Variants in AGBL4 observed in about 807,000 individuals in gnomAD.
The protein encoded by AGBL4 is cytosolic carboxypeptidase 6.
Under a neutral mutation model 66.4 loss-of-function variants are expected in AGBL4, and 58 were observed. The ratio of observed to expected loss-of-function variants is 0.87; its 90% CI spans 0.71 to 1.09. The LOEUF (loss-of-function observed/expected upper bound fraction) is 1.09, where lower values mean the gene tolerates loss of function less well. Among genes scored for constraint, AGBL4 ranks in the 50% least tolerant of loss-of-function variants. The pLI, the probability that AGBL4 is intolerant of heterozygous loss-of-function variation, is 0.00. For missense variants in AGBL4, 579 were observed against 631.0 expected (o/e 0.92, Z 0.88); for synonymous variants, 234 against 222.9 (o/e 1.05, Z -0.44).
At chr1:49,714,787 T>C (rs1248715394) in intron 2 of AGBL4, among the ~76,000 whole-genome samples, 1 of 151,818 alleles carries the variant, frequency 6.6e-6, no homozygotes, top group Admixed American at 6.6e-5. Flanking sequence ...TTTGGGTAGA[T>C]ACTCAGGAAT....
At chr1:49,207,607 T>TTTTA (rs1648337423) in intron 4 of AGBL4, among the ~76,000 whole-genome samples, 2 of 150,496 alleles carry the variant, frequency 1.3e-5, no homozygotes, top group African/African-American at 4.9e-5. Flanking sequence ...TCTTTCTTCT[T>TTTTA]TTTATTTTCA....
At chr1:49,790,218 G>T (rs1644560637) in intron 2 of AGBL4, among the ~76,000 whole-genome samples, 1 of 152,024 alleles carries the variant, frequency 6.6e-6, no homozygotes, top group Non-Finnish European at 1.5e-5. Flanking sequence ...ACAAAAATTA[G>T]CCAGGAGTGA....
At chr1:49,389,899 T>C (rs1294324735) in intron 3 of AGBL4, among the ~76,000 whole-genome samples, 1 of 152,182 alleles carries the variant, frequency 6.6e-6, no homozygotes, top group African/African-American at 2.4e-5. Context: ...TATAATCCAA[T>C]TGAGGATTCT....
At chr1:48,574,904 G>A (rs189466610) in intron 11 of AGBL4, among the ~76,000 whole-genome samples, 162 of 152,236 alleles carry the variant, frequency 1.1e-3, no homozygotes, top group Non-Finnish European at 2.0e-3. Flanking sequence ...TAGTTTTAGC[G>A]TCTTTCTGAA....
At chr1:49,918,514 C>A (rs1651829041) in intron 1 of AGBL4, among the ~76,000 whole-genome samples, 1 of 151,900 alleles carries the variant, frequency 6.6e-6, no homozygotes, top group South Asian at 2.1e-4. Flanking sequence ...TCGACACATA[C>A]ACCCTCCCAA....
At chr1:48,833,951 T>C (rs1453817690) in intron 6 of AGBL4, among the ~76,000 whole-genome samples, 1 of 152,180 alleles carries the variant, frequency 6.6e-6, no homozygotes, top group Non-Finnish European at 1.5e-5. Context: ...GGGTTCCCAC[T>C]CTGGTGTTGA....
At chr1:49,563,178 G>A (rs1204215077) in intron 3 of AGBL4, among the ~76,000 whole-genome samples, 1 of 149,260 alleles carries the variant, frequency 6.7e-6, no homozygotes, top group Non-Finnish European at 1.5e-5. Context: ...AGACTTTGCT[G>A]AAGTTGCTTA....
chr1:49,012,581 G>A lies in AGBL4; in HGVS notation c.594+33003C>T, dbSNP rs141319872. 3.5e-3 allele frequency among the ~76,000 whole-genome samples: 530 copies of A among 152,232 alleles called. 4 individuals carry two copies. The highest frequency in any genetic ancestry group is 5.8e-3 in the Non-Finnish European group (393 of 68,016). On this transcript the variant is annotated intron_variant, in intron 5 of 13. Coordinates refer to ENST00000371839, the MANE Select transcript of AGBL4 (RefSeq NM_032785.4). Reference sequence around the variant, plus strand: ...AAAATAGGCCTATTCCCAGAGAAGAGTCCTCAAAACTGTTGTGGTTTTTGG... The same window carrying A: ...AAAATAGGCCTATTCCCAGAGAAGAATCCTCAAAACTGTTGTGGTTTTTGG...
chr1:48,835,733 C>T (rs1646656640), intron 6 of AGBL4, among the ~76,000 whole-genome samples: 3 of 152,164 alleles, frequency 2.0e-5, no homozygotes, highest in Non-Finnish European at 4.4e-5. Context: ...AATGCAACTT[C>T]AAGACCCTAG....
intron 3 of AGBL4, among the ~76,000 whole-genome samples, chr1:49,601,408 C>T (rs1372313948): frequency 1.3e-5 from 2 of 151,680 alleles, no homozygotes; most frequent in African/African-American, 4.8e-5. Context: ...TCCTTTCTTC[C>T]ACTTGATAGA....
chr1:49,286,041 T>C lies in AGBL4; in HGVS notation c.283-40177A>G, dbSNP rs188074942. On this transcript the variant is annotated intron_variant, in intron 3 of 13. Coordinates refer to ENST00000371839, the MANE Select transcript of AGBL4 (RefSeq NM_032785.4). ...GATCAAGTGGGCTTCATCCCTGCGATGCAAGGCTGGTTCAATATACACAAA... is the reference window on the plus strand; with the variant it reads ...GATCAAGTGGGCTTCATCCCTGCGACGCAAGGCTGGTTCAATATACACAAA... Among the ~76,000 whole-genome samples the C allele has an allele frequency of 4.3e-4, 66 of 152,346 alleles. No individual in the cohort carries two copies. In the East Asian group the frequency reaches 0.012, roughly 27 times the overall value.
At chr1:49,194,510 C>T (rs932626885) in intron 4 of AGBL4, among the ~76,000 whole-genome samples, 17 of 152,136 alleles carry the variant, frequency 1.1e-4, no homozygotes, top group African/African-American at 4.1e-4. Flanking sequence ...AATCCATTTA[C>T]ATTCAAGGTT....
At chr1:49,847,437 A>G (rs1213463223) in intron 2 of AGBL4, among the ~76,000 whole-genome samples, 1 of 152,210 alleles carries the variant, frequency 6.6e-6, no homozygotes, top group Non-Finnish European at 1.5e-5. Flanking sequence ...AAAAGCTTCC[A>G]CACAGCAAAA....
rs554699349 is a variant in AGBL4, at chr1:49,403,843, C to T, written c.283-157979G>A. Among the ~76,000 whole-genome samples, 33 of 152,108 alleles carry T rather than the reference C, an allele frequency of 2.2e-4. 1 individual carries two copies. In the South Asian group the frequency reaches 6.6e-3, roughly 31 times the overall value. On this transcript the variant is annotated intron_variant, in intron 3 of 13. Transcript: ENST00000371839. The stretch of plus-strand genomic sequence containing the variant: ...TCAATTTCTCACCTCTACTTTCTAC[C>T]CCTACTTTAAGGGCCAACTCCAACA...
chr1:49,376,600 A>C (rs1644476811), intron 3 of AGBL4, among the ~76,000 whole-genome samples: 1 of 152,028 alleles, frequency 6.6e-6, no homozygotes, highest in Admixed American at 6.6e-5. Context: ...AACCTGAACT[A>C]ATATTTGTAA....
chr1:49,785,873 A>G (rs1644439121), intron 2 of AGBL4, among the ~76,000 whole-genome samples: 1 of 123,200 alleles, frequency 8.1e-6, no homozygotes, highest in Non-Finnish European at 1.6e-5. Context: ...AGAGTACATG[A>G]GAAATCCCAG....
chr1:49,293,128 G>T (rs1164029183), intron 3 of AGBL4, among the ~76,000 whole-genome samples: 1 of 152,218 alleles, frequency 6.6e-6, no homozygotes, highest in Admixed American at 6.5e-5. Flanking sequence ...AGCCATGGAA[G>T]TTGCTTGTGT....
rs150076957 is a variant in AGBL4, at chr1:49,631,127, C to T, written c.282+66186G>A. ...TCAGAGGGATCTGCAGAGCCCAAAA[C>T]TCTAAGGTGTCCATCCAAATGTCCC... On this transcript the variant is annotated intron_variant, in intron 3 of 13. Transcript: ENST00000371839. 4.5e-4 allele frequency among the ~76,000 whole-genome samples: 68 copies of T among 152,304 alleles called. 1 individual carries two copies. Among genetic ancestry groups the T allele is most frequent in the African/African-American group, 1.5e-3 (61 of 41,576 alleles).
At chr1:48,732,274 G>A (rs1648262614) in intron 6 of AGBL4, among the ~76,000 whole-genome samples, 2 of 152,110 alleles carry the variant, frequency 1.3e-5, no homozygotes, top group Admixed American at 6.6e-5. Context: ...AATGTCATGT[G>A]GGCATCTGTG....
Sources: allele counts gnomAD v4.1 joint callset (sites outside exome capture counted in the v4.1 genomes callset), GRCh38; gene constraint gnomAD v4.1.1; transcripts MANE v1.5; gene names NCBI Gene and HGNC (gene_info 2026-07-23, HGNC 2026-07-21).